Variants in FBXL13 observed in about 807,000 individuals in gnomAD.
FBXL13 encodes the protein F-box and leucine-rich repeat protein 13.
In FBXL13, 67 loss-of-function variants were observed where a neutral mutation model predicts 83.6. The observed-to-expected ratio is 0.80, with a 90% confidence interval of 0.66 to 0.98. The LOEUF is 0.98. Among genes scored for constraint, FBXL13 ranks in the 50% least tolerant of loss-of-function variants. The pLI is 0.00. For synonymous variants in FBXL13, 272 were observed against 299.5 expected, an observed-to-expected ratio of 0.91 and a Z score of 0.95; for missense variants, 822 against 866.5, an observed-to-expected ratio of 0.95 and a Z score of 0.64.
chr7:102,892,880 T>C (rs1392109477), intron 11 of FBXL13, among the ~76,000 whole-genome samples: 1 of 152,192 alleles, frequency 6.6e-6, no homozygotes, highest in Non-Finnish European at 1.5e-5. Context: ...CAACTTCCTG[T>C]TGGTAGCTTA....
rs181125068 is a variant in FBXL13, at chr7:102,816,699, A to C, written c.2019-3168T>G. On this transcript the variant is annotated intron_variant, in intron 19 of 19. Transcript: ENST00000313221. ...ACATAATGCTGGGGTTTGGGCTGCTATTGAACCCATCAGCCAAATAGTGAA... is the reference window on the plus strand; with the variant it reads ...ACATAATGCTGGGGTTTGGGCTGCTCTTGAACCCATCAGCCAAATAGTGAA... Among the ~76,000 whole-genome samples, 119 of 152,294 alleles carry C rather than the reference A, an allele frequency of 7.8e-4. 3 individuals are homozygous for C. The East Asian group carries it at 0.021, about 27-fold the overall frequency.
At chr7:103,026,407 A>T (rs1355533071) in intron 5 of FBXL13, among the ~76,000 whole-genome samples, 1 of 152,174 alleles carries the variant, frequency 6.6e-6, no homozygotes, top group Non-Finnish European at 1.5e-5. Context: ...TCAGGCATAG[A>T]GGGCAGTTAT....
intron 6 of FBXL13, among the ~76,000 whole-genome samples, chr7:102,998,663 C>T (rs900877421): frequency 1.3e-5 from 2 of 151,852 alleles, no homozygotes; most frequent in Admixed American, 6.6e-5. Context: ...GGAGTCTTTA[C>T]GTTTTTCTAA....
At chr7:102,914,117 A>G (rs1815329993) in intron 10 of FBXL13, among the ~76,000 whole-genome samples, 2 of 152,244 alleles carry the variant, frequency 1.3e-5, no homozygotes, top group East Asian at 1.9e-4. Context: ...CTGGAGTACA[A>G]TGGTGAGATC....
At chr7:102,883,805 T>C (rs1810432138) in intron 12 of FBXL13, 120 bp from the exon 14 acceptor site, 2 of 624,036 alleles carry the variant, frequency 3.2e-6, no homozygotes, top group Non-Finnish European at 5.6e-6. Flanking sequence ...ATTTTCCTAA[T>C]TTCAAAGACA....
chr7:102,854,712 G>T (rs1425293771), intron 17 of FBXL13, 65 bp downstream of exon 18: 2 of 991,696 alleles, frequency 2.0e-6, no homozygotes, highest in African/African-American at 1.7e-5. Flanking sequence ...TTATTCATTG[G>T]AAAAAAAAGA....
At chr7:103,049,199 T>C (rs1169124413) in intron 2 of FBXL13, among the ~76,000 whole-genome samples, 1 of 152,238 alleles carries the variant, frequency 6.6e-6, no homozygotes, top group Non-Finnish European at 1.5e-5. Flanking sequence ...GTGGCATGGC[T>C]AATTCCACAT....
chr7:102,966,376 C>A (rs978548011), intron 7 of FBXL13, among the ~76,000 whole-genome samples: 1 of 152,148 alleles, frequency 6.6e-6, no homozygotes, highest in African/African-American at 2.4e-5. Context: ...TCCAGGACCA[C>A]ACTTTGAGAA....
chr7:102,946,412 G>A (rs1822498852), intron 8 of FBXL13, among the ~76,000 whole-genome samples: 1 of 152,204 alleles, frequency 6.6e-6, no homozygotes, highest in African/African-American at 2.4e-5. Context: ...GCACAGCATT[G>A]TAAAAGTTAT....
intron 11 of FBXL13, among the ~76,000 whole-genome samples, chr7:102,899,864 A>C (rs1812745840): frequency 6.6e-6 from 1 of 152,036 alleles, no homozygotes; most frequent in African/African-American, 2.4e-5. Context: ...GAGGTTGGGA[A>C]TTCGAGACTG....
chr7:103,015,361 A>G (rs1244505660), intron 6 of FBXL13, among the ~76,000 whole-genome samples: 1 of 152,212 alleles, frequency 6.6e-6, no homozygotes, highest in Non-Finnish European at 1.5e-5. Flanking sequence ...GGCAATAGAA[A>G]GAAATAAAAG....
chr7:102,884,671 A>C (rs1456780155), intron 11 of FBXL13, among the ~76,000 whole-genome samples: 3 of 152,140 alleles, frequency 2.0e-5, no homozygotes, highest in Non-Finnish European at 4.4e-5. Context: ...TAATTAAAAA[A>C]AATTAACCAC....
In FBXL13 at chr7:103,043,372, G is replaced by A. The variant is rs766911076; in HGVS notation, c.-1+12272C>T. ...ACAGGAATGCTTTTACACTGTTGGC[G>A]GGAGTGTAAATTAGTTCAACTGTTG... On this transcript the variant is annotated intron_variant, in intron 2 of 19. Transcript: ENST00000313221. 5.9e-5 allele frequency among the ~76,000 whole-genome samples: 9 copies of A among 152,264 alleles called. No homozygotes were observed. In the South Asian group the frequency reaches 8.3e-4, roughly 14 times the overall value.
intron 17 of FBXL13, among the ~76,000 whole-genome samples, chr7:102,847,385 T>C (rs1263537509): frequency 6.6e-6 from 1 of 152,224 alleles, no homozygotes; most frequent in African/African-American, 2.4e-5. Flanking sequence ...CCACATTCCC[T>C]AAATTATATT....
At chr7:102,902,186 T>C (rs1260180092) in intron 11 of FBXL13, among the ~76,000 whole-genome samples, 3 of 152,218 alleles carry the variant, frequency 2.0e-5, no homozygotes, top group Non-Finnish European at 4.4e-5. Context: ...TGATGATCAA[T>C]AATGTTGAGC....
At chr7:103,004,811 G>A (rs1290632145) in intron 6 of FBXL13, among the ~76,000 whole-genome samples, 2 of 152,120 alleles carry the variant, frequency 1.3e-5, no homozygotes. Context: ...CTTGAGTTCT[G>A]GGATACTGAT....
At chr7:103,070,078 C>CA (rs76010935) in intron 1 of FBXL13, among the ~76,000 whole-genome samples, 14,301 of 66,700 alleles carry the variant, frequency 0.21, 987 homozygotes, top group East Asian at 0.33. Flanking sequence ...GACTCTGTCT[C>CA]AAAAAAAAAA....
intron 18 of FBXL13, among the ~76,000 whole-genome samples, chr7:102,831,394 G>GACACACACACACAC (rs3045618): frequency 1.1e-4 from 16 of 141,568 alleles, no homozygotes; most frequent in African/African-American, 3.7e-4. Flanking sequence ...CAGTGCCCGG[G>GACACACACACACAC]ACACACACAC....
chr7:103,047,336 A>G (rs1267651934), intron 2 of FBXL13, among the ~76,000 whole-genome samples: 3 of 152,198 alleles, frequency 2.0e-5, no homozygotes, highest in Non-Finnish European at 4.4e-5. Flanking sequence ...AGGACAAGAT[A>G]GCCTTCCTGG....
Sources: gnomAD v4.1 joint callset for allele counts (sites outside exome capture counted in the v4.1 genomes callset) on GRCh38, gnomAD v4.1.1 for gene constraint, MANE v1.5 for transcripts, NCBI Gene and HGNC (gene_info 2026-07-23, HGNC 2026-07-21) for gene names.